Variants in NR2F1-AS1 observed in about 807,000 individuals in gnomAD.
NR2F1-AS1 encodes NR2F1 regulatory antisense RNA 1, also known as NR2F1 antisense RNA 1.
intron 4 of NR2F1-AS1, among the ~76,000 whole-genome samples, chr5:93,484,731 G>A (rs535905346): frequency 1.2e-3 from 177 of 150,202 alleles, no homozygotes; most frequent in Non-Finnish European, 2.2e-3. Context: ...GACACACATA[G>A]GCTCAAAATA....
At chr5:93,528,883 C>T (rs1013901597) in intron 4 of NR2F1-AS1, among the ~76,000 whole-genome samples, 2 of 149,182 alleles carry the variant, frequency 1.3e-5, no homozygotes, top group Admixed American at 1.3e-4. Flanking sequence ...GAACATCATA[C>T]AGCAGGGTTT....
intron 4 of NR2F1-AS1, among the ~76,000 whole-genome samples, chr5:93,467,227 A>G (rs1750258423): frequency 6.6e-6 from 1 of 152,208 alleles, no homozygotes; most frequent in Non-Finnish European, 1.5e-5. Context: ...TTATAAATTC[A>G]GTGTTATTCC....
At chr5:93,455,878 C>T (rs980887540) in intron 4 of NR2F1-AS1, among the ~76,000 whole-genome samples, 7 of 151,616 alleles carry the variant, frequency 4.6e-5, no homozygotes, top group African/African-American at 1.7e-4. Flanking sequence ...TGAAAAGATG[C>T]AGAGAAAGCA....
intron 4 of NR2F1-AS1, among the ~76,000 whole-genome samples, chr5:93,468,215 T>C (rs1474849996): frequency 6.6e-6 from 1 of 152,204 alleles, no homozygotes; most frequent in Non-Finnish European, 1.5e-5. Context: ...TTCTAGATCC[T>C]TGAGGAATTG....
At position 93,549,952 on chromosome 5, in the gene NR2F1-AS1, C is replaced by T. The variant is rs548394285; in HGVS notation, n.638+3809G>A. On this transcript the variant is annotated intron_variant and non_coding_transcript_variant, in intron 4 of 5. Coordinates refer to ENST00000660523, the Ensembl canonical transcript of NR2F1-AS1. ...ACACAGGGAGGGGAACATCATACAC[C>T]GGGGCCCTGTCGAGGGGTTGGGGGC... Among the ~76,000 whole-genome samples, 11 of 151,692 alleles carry T rather than the reference C, an allele frequency of 7.3e-5. No individual in the cohort carries two copies. The South Asian group carries it at 8.3e-4, about 11-fold the overall frequency.
At chr5:93,516,383 G>A (rs1184414464) in intron 4 of NR2F1-AS1, among the ~76,000 whole-genome samples, 1 of 151,766 alleles carries the variant, frequency 6.6e-6, no homozygotes, top group Non-Finnish European at 1.5e-5. Flanking sequence ...AAAGAGTATG[G>A]TTGATATCTC....
intron 4 of NR2F1-AS1, among the ~76,000 whole-genome samples, chr5:93,502,375 T>G (rs1164414765): frequency 6.6e-6 from 1 of 152,092 alleles, no homozygotes; most frequent in Non-Finnish European, 1.5e-5. Flanking sequence ...GTATATAGCT[T>G]AGAAATACCC....
At chr5:93,515,346 T>C (rs1400677288) in intron 4 of NR2F1-AS1, among the ~76,000 whole-genome samples, 2 of 151,920 alleles carry the variant, frequency 1.3e-5, no homozygotes, top group African/African-American at 4.8e-5. Context: ...CTGTGATATA[T>C]AAGATATCTG....
At chr5:93,500,904 T>A (rs1332571105) in intron 4 of NR2F1-AS1, among the ~76,000 whole-genome samples, 5 of 152,150 alleles carry the variant, frequency 3.3e-5, no homozygotes, top group African/African-American at 1.2e-4. Flanking sequence ...GTGAGCCACC[T>A]GCGCCCTACC....
upstream of NR2F1-AS1, chr5:93,584,551 G>A: frequency 6.7e-6 from 1 of 148,340 alleles, no homozygotes; most frequent in Non-Finnish European, 1.5e-5. Context: ...CCCGGCTGCC[G>A]CCTGTGCCAT....
At chr5:93,526,448 C>T (rs1331457443) in intron 4 of NR2F1-AS1, among the ~76,000 whole-genome samples, 11 of 152,140 alleles carry the variant, frequency 7.2e-5, no homozygotes, top group African/African-American at 2.7e-4. Flanking sequence ...CCTTCTGAGA[C>T]TATTCCAAAC....
chr5:93,466,898 C>CT (rs201713414), intron 4 of NR2F1-AS1, among the ~76,000 whole-genome samples: 2,656 of 37,140 alleles, frequency 0.072, 288 homozygotes, highest in Non-Finnish European at 0.11. Flanking sequence ...CAGAATATCC[C>CT]TTTTTTGGGG....
intron 4 of NR2F1-AS1, among the ~76,000 whole-genome samples, chr5:93,416,917 C>A (rs985902641): frequency 6.6e-6 from 1 of 152,112 alleles, no homozygotes; most frequent in Non-Finnish European, 1.5e-5. Flanking sequence ...ATTTACCTGG[C>A]ATTTATGAAG....
At chr5:93,504,129 C>T (rs1017912292) in intron 4 of NR2F1-AS1, among the ~76,000 whole-genome samples, 5 of 151,798 alleles carry the variant, frequency 3.3e-5, no homozygotes, top group African/African-American at 1.2e-4. Flanking sequence ...CTAAATATGG[C>T]AAATACTGAT....
chr5:93,426,302 C>A (rs1749193940), intron 4 of NR2F1-AS1, among the ~76,000 whole-genome samples: 1 of 151,818 alleles, frequency 6.6e-6, no homozygotes, highest in East Asian at 1.9e-4. Context: ...TCCACCTTGA[C>A]CTCCCAAAGT....
intron 4 of NR2F1-AS1, among the ~76,000 whole-genome samples, chr5:93,500,375 T>C (rs1392701499): frequency 6.6e-6 from 1 of 152,092 alleles, no homozygotes; most frequent in Non-Finnish European, 1.5e-5. Context: ...CTGTGCTCTA[T>C]AAATGGAACA....
At chr5:93,413,282 T>C (rs776233742) in intron 4 of NR2F1-AS1, among the ~76,000 whole-genome samples, 2 of 151,494 alleles carry the variant, frequency 1.3e-5, no homozygotes, top group Non-Finnish European at 2.9e-5. Flanking sequence ...GAAAGTTCCA[T>C]CCCATCTTCT....
In NR2F1-AS1 at chr5:93,501,759, A is replaced by T. The variant is rs558715547; in HGVS notation, n.638+52002T>A. On this transcript the variant is annotated intron_variant and non_coding_transcript_variant, in intron 4 of 5. Coordinates refer to ENST00000660523, the Ensembl canonical transcript of NR2F1-AS1. ...AGTATTTGAAATATTCCATAAACTT[A>T]GTTGATAAAGCAGCAGCAGGGTTTG... Among the ~76,000 whole-genome samples the T allele has an allele frequency of 3.3e-5, 5 of 152,338 alleles. No homozygotes were observed. The South Asian group carries it at 1.0e-3, about 32-fold the overall frequency.
intron 4 of NR2F1-AS1, among the ~76,000 whole-genome samples, chr5:93,443,382 G>A (rs1014773370): frequency 3.4e-4 from 51 of 152,194 alleles, no homozygotes; most frequent in South Asian, 2.1e-3. Context: ...AAACCATGGC[G>A]CGAGAATTAC....
Sources: gnomAD v4.1 joint callset for allele counts (sites outside exome capture counted in the v4.1 genomes callset) on GRCh38, gnomAD v4.1.1 for gene constraint, MANE v1.5 for transcripts, NCBI Gene and HGNC (gene_info 2026-07-23, HGNC 2026-07-21) for gene names.